The following RANBP2 variants were observed in gnomAD, a reference collection of about 807,000 sequenced individuals.
The protein encoded by RANBP2 is E3 SUMO-protein ligase RanBP2.
In RANBP2, 57 loss-of-function variants were observed where a neutral mutation model predicts 303.6. That is an observed-to-expected ratio of 0.19 (90% CI 0.15 to 0.23). RANBP2 has a LOEUF of 0.23. Among genes scored for constraint, RANBP2 ranks in the 10% least tolerant of loss-of-function variants. The pLI is 1.00. For missense variants in RANBP2, 3,138 were observed against 3,780.8 expected (o/e 0.83, Z 4.46); for synonymous variants, 1,167 against 1,301.5 (o/e 0.90, Z 2.23).
chr2:109,625,087 CAAAAAAAAAA>C, the RANBP2 span, among the ~76,000 whole-genome samples: 1 of 60,122 alleles, frequency 1.7e-5, no homozygotes, highest in African/African-American at 4.9e-5. Context: ...ACAACAACAA[CAAAAAAAAAA>C]AAAAAAAAAA....
At chr2:109,580,356 A>C in the RANBP2 span, among the ~76,000 whole-genome samples, 1 of 151,832 alleles carries the variant, frequency 6.6e-6, no homozygotes, top group Admixed American at 6.5e-5. Flanking sequence ...ATGCAAAAAA[A>C]AAAAAAAAAT....
the RANBP2 span, among the ~76,000 whole-genome samples, chr2:108,902,702 C>A: frequency 3.9e-5 from 6 of 152,026 alleles, no homozygotes; most frequent in African/African-American, 1.4e-4. Flanking sequence ...TGGCTTATTC[C>A]AGGGAGGCAA....
the RANBP2 span, among the ~76,000 whole-genome samples, chr2:109,110,592 A>G: frequency 9.9e-5 from 15 of 152,190 alleles, no homozygotes; most frequent in African/African-American, 3.6e-4. Flanking sequence ...TACTATTGCT[A>G]TAAGTGTAGA....
At chr2:109,175,380 C>T in the RANBP2 span, among the ~76,000 whole-genome samples, 2 of 152,298 alleles carry the variant, frequency 1.3e-5, no homozygotes, top group Admixed American at 1.3e-4. Context: ...GAAAAGCAAA[C>T]GCTGGTGAAT....
chr2:109,040,663 C>T, the RANBP2 span, among the ~76,000 whole-genome samples: 1 of 152,182 alleles, frequency 6.6e-6, no homozygotes, highest in Non-Finnish European at 1.5e-5. Flanking sequence ...GTCTGGAAGT[C>T]TCACACATTT....
chr2:108,989,622 G>A, the RANBP2 span, among the ~76,000 whole-genome samples: 1 of 152,022 alleles, frequency 6.6e-6, no homozygotes, highest in Non-Finnish European at 1.5e-5. Flanking sequence ...ATCCCTCAGG[G>A]TTTGAGCCAC....
the RANBP2 span, among the ~76,000 whole-genome samples, chr2:109,522,298 T>C: frequency 5.4e-5 from 8 of 148,732 alleles, no homozygotes; most frequent in East Asian, 1.4e-3. Flanking sequence ...AAAAACCTTT[T>C]TTTTTTTTTT....
the RANBP2 span, among the ~76,000 whole-genome samples, chr2:109,019,491 A>C: frequency 6.6e-6 from 1 of 152,170 alleles, no homozygotes; most frequent in Non-Finnish European, 1.5e-5. Context: ...GGTGATAAGT[A>C]GGGCTGCACC....
chr2:109,612,564 G>C, the RANBP2 span, among the ~76,000 whole-genome samples: 1 of 152,182 alleles, frequency 6.6e-6, no homozygotes, highest in Non-Finnish European at 1.5e-5. Flanking sequence ...AGTAAAGTTA[G>C]CCTCAAAGCA....
the RANBP2 span, among the ~76,000 whole-genome samples, chr2:109,410,273 T>C: frequency 6.6e-6 from 1 of 152,224 alleles, no homozygotes; most frequent in African/African-American, 2.4e-5. Context: ...GCCCAATCTT[T>C]ACTGACTAGC....
chr2:109,284,906 C>T, the RANBP2 span, among the ~76,000 whole-genome samples: 24 of 152,362 alleles, frequency 1.6e-4, no homozygotes, highest in Non-Finnish European at 3.2e-4. Flanking sequence ...ACACTGGGCT[C>T]GTCTGCTTCC....
At chr2:109,565,823 C>T in the RANBP2 span, 1 of 1,614,130 alleles carries the variant, frequency 6.2e-7, no homozygotes, top group Non-Finnish European at 8.5e-7. Context: ...ACTTTTACCT[C>T]ATCCATACTT....
chr2:109,384,343 G>A, the RANBP2 span, among the ~76,000 whole-genome samples: 2 of 152,194 alleles, frequency 1.3e-5, 1 homozygote, highest in South Asian at 4.1e-4. Context: ...GAGGAGGAAG[G>A]ACCTGGGAGG....
At chr2:109,188,508 C>G in the RANBP2 span, among the ~76,000 whole-genome samples, 1 of 152,162 alleles carries the variant, frequency 6.6e-6, no homozygotes, top group African/African-American at 2.4e-5. Flanking sequence ...GGCTCTTGGT[C>G]TGGATGAAAG....
At chr2:109,578,167 T>C in the RANBP2 span, among the ~76,000 whole-genome samples, 10 of 152,050 alleles carry the variant, frequency 6.6e-5, no homozygotes, top group African/African-American at 1.9e-4. Flanking sequence ...ACAAAAAAGA[T>C]GGTAGATTTA....
At chr2:108,812,929 T>A in the RANBP2 span, 1 of 1,612,574 alleles carries the variant, frequency 6.2e-7, no homozygotes, top group Non-Finnish European at 8.5e-7. Flanking sequence ...ACTTACAAGG[T>A]AAGTTTGAAT....
the RANBP2 span, among the ~76,000 whole-genome samples, chr2:109,375,570 C>T: frequency 1.3e-5 from 2 of 152,220 alleles, no homozygotes; most frequent in African/African-American, 4.8e-5. Flanking sequence ...TTCAGAATTT[C>T]AGAAGGCGCT....
At chr2:109,293,011 C>T in the RANBP2 span, among the ~76,000 whole-genome samples, 36 of 152,288 alleles carry the variant, frequency 2.4e-4, no homozygotes, top group South Asian at 5.8e-3. Context: ...GGATTACAGG[C>T]GTGAGGCACC....
At chr2:109,628,500 T>TAATAAATA in the RANBP2 span, among the ~76,000 whole-genome samples, 7,719 of 146,842 alleles carry the variant, frequency 0.053, 227 homozygotes, top group Admixed American at 0.067. Flanking sequence ...TCTCAAAAAA[T>TAATAAATA]AATAAATAAA....
Sources: allele counts gnomAD v4.1 joint callset (sites outside exome capture counted in the v4.1 genomes callset), GRCh38; gene constraint gnomAD v4.1.1; transcripts MANE v1.5; gene names NCBI Gene and HGNC (gene_info 2026-07-23, HGNC 2026-07-21).